The following ASIP variants were observed in gnomAD, a reference collection of about 807,000 sequenced individuals.
The protein encoded by ASIP is agouti-signaling protein.
Under a neutral mutation model 10.3 loss-of-function variants are expected in ASIP, and 11 were observed. The ratio of observed to expected loss-of-function variants is 1.07; its 90% CI spans 0.68 to 1.78. ASIP has a LOEUF of 1.78. Among genes scored for constraint, ASIP ranks in the 40% most tolerant of loss-of-function variants. The pLI is 0.00. For synonymous variants in ASIP, 70 were observed against 70.8 expected (o/e 0.99, Z 0.06); for missense variants, 180 against 169.2 (o/e 1.06, Z -0.35).
chr20:34,221,385 G>A (rs879427658), intron 1 of ASIP, among the ~76,000 whole-genome samples: 130 of 148,678 alleles, frequency 8.7e-4, no homozygotes, highest in Non-Finnish European at 1.5e-3. Context: ...CTCAAAAAAA[G>A]AAAAAAAAAG....
intron 1 of ASIP, chr20:34,213,916 C>G: frequency 6.3e-7 from 1 of 1,584,214 alleles, no homozygotes; most frequent in East Asian, 2.2e-5. Context: ...ATGGTTGAGA[C>G]AGTCTGCTAG....
chr20:34,265,461 C>T (rs915135950), intron 3 of ASIP, among the ~76,000 whole-genome samples: 2 of 151,970 alleles, frequency 1.3e-5, no homozygotes, highest in Non-Finnish European at 2.9e-5. Context: ...GATATCGAGG[C>T]TACAGTGACT....
In ASIP at chr20:34,262,854, G is replaced by C; in HGVS notation, c.183G>C (p.Gln61His). 6.2e-7 allele frequency: 1 copy of C among 1,614,004 alleles called. No homozygotes were observed. Among genetic ancestry groups the C allele is most frequent in the Non-Finnish European group, 8.5e-7 (1 of 1,179,946 alleles). ...SIVALNKKSK[Q>H]IGRKAAEKKR... ...AAGCGCTGAACAAGAAATCCAAACA[G>C]ATCGGCAGAAAAGCAGCAGAAAAGA... Residue 61 changes from glutamine (Q) to histidine (H), a missense_variant, in exon 3 of 4, where the codon CAG (glutamine) becomes CAC (histidine). Transcript: ENST00000374954.
intron 1 of ASIP, among the ~76,000 whole-genome samples, chr20:34,207,678 T>G (rs1039567040): frequency 1.3e-5 from 2 of 152,248 alleles, no homozygotes; most frequent in African/African-American, 4.8e-5. Flanking sequence ...CTTAAGTCTT[T>G]AATCCATTTT....
At position 34,269,027 on chromosome 20, in the gene ASIP, AC is replaced by A. The variant is rs767121271; in HGVS notation, c.265del (p.Leu89TyrfsTer69). 14 of 1,606,796 alleles carry A rather than the reference AC, an allele frequency of 8.7e-6. No homozygotes were observed. Among genetic ancestry groups the A allele is most frequent in the Admixed American group, 1.7e-5 (1 of 59,490 alleles). On this transcript the variant is annotated frameshift_variant, in exon 4 of 4. Coordinates refer to ENST00000374954, the MANE Select transcript of ASIP (RefSeq NM_001672.3). LOFTEE classifies it high-confidence loss of function. Reference protein sequence around the residue: ...ASMKKVVRPRTPLSAPCVATR... With the variant: ...ASMKKVVRPRXPLSAPCVATR... The stretch of plus-strand genomic sequence containing the variant: ...GATGAAGAAAGTGGTGCGGCCCCGG[AC>A]CCCCCTATCTGCGCCCTGCGTGGCC...
chr20:34,215,307 C>T lies in ASIP; in HGVS notation c.-11+20547C>T, dbSNP rs531065715. 1.7e-5 allele frequency: 27 copies of T among 1,551,506 alleles called. No individual in the cohort carries two copies. In the East Asian group the frequency reaches 3.6e-4, roughly 21 times the overall value. ...GACACATCACTTCAGAATTAGTATA[C>T]TGATAATTTTGTGATATTTGGTACC... On this transcript the variant is annotated intron_variant, in intron 1 of 3. Transcript: ENST00000568305.
In ASIP at chr20:34,223,436, C is replaced by T. The variant is rs1251119360; in HGVS notation, c.-11+28676C>T. On this transcript the variant is annotated intron_variant, in intron 1 of 3. Transcript: ENST00000568305. ...GTGAGGAGCCTCTCCGCCCGGCAGC[C>T]ACCCCATCTGGGAAGTGAGGAGCGT... 8.6e-5 allele frequency among the ~76,000 whole-genome samples: 13 copies of T among 151,530 alleles called. No homozygotes were observed. The East Asian group carries it at 2.1e-3, about 25-fold the overall frequency.
chr20:34,203,156 C>CA (rs1000267754), intron 1 of ASIP, among the ~76,000 whole-genome samples: 28 of 151,150 alleles, frequency 1.9e-4, no homozygotes, highest in Middle Eastern at 6.8e-3. Flanking sequence ...TAAATTCTAC[C>CA]AAAAAAAACC....
At position 34,225,783 on chromosome 20, in the gene ASIP, T is replaced by C. The variant is rs538559669; in HGVS notation, c.-11+31023T>C. Among the ~76,000 whole-genome samples the C allele has an allele frequency of 1.8e-4, 28 of 152,304 alleles. 1 individual carries two copies. The South Asian group carries it at 5.8e-3, about 32-fold the overall frequency. On this transcript the variant is annotated intron_variant, in intron 1 of 3. Transcript: ENST00000568305. ...ATTCCTAATTATTTTATTTTTGTTG[T>C]TTTGGGTGTGAATGAGATTTGTTTT...
At chr20:34,215,013 C>T (rs1237736222) in intron 1 of ASIP, 5 of 1,443,872 alleles carry the variant, frequency 3.5e-6, no homozygotes, top group Admixed American at 3.3e-5. Flanking sequence ...ACATCTTCTT[C>T]CTGGTCAATG....
intron 1 of ASIP, among the ~76,000 whole-genome samples, chr20:34,218,000 C>T (rs940643222): frequency 4.6e-5 from 7 of 152,218 alleles, no homozygotes; most frequent in African/African-American, 1.2e-4. Context: ...CTAGCAAATT[C>T]TCACTGCTTT....
chr20:34,213,403 T>A, intron 1 of ASIP: 1 of 716,680 alleles, frequency 1.4e-6, no homozygotes, highest in East Asian at 2.5e-5. Flanking sequence ...AGTGTTGCTA[T>A]AACCAACACC....
chr20:34,200,991 TCCTTCCTTCCTTCCTTCCTTCCTTCCTTC>T (rs2034890647), intron 1 of ASIP, among the ~76,000 whole-genome samples: 1 of 57,106 alleles, frequency 1.8e-5, no homozygotes, highest in African/African-American at 1.9e-4. Flanking sequence ...CTTCCTTCCT[TCCTTCCTTCCTTCCTTCCTTCCTTCCTTC>T]TTTCTTTCTT....
chr20:34,268,918 A>G, intron 3 of ASIP, 73 bp from the exon 4 acceptor site: 1 of 1,525,268 alleles, frequency 6.6e-7, no homozygotes, highest in African/African-American at 1.4e-5. Context: ...TAGCCCGAGG[A>G]GCTCCCAGGC....
At chr20:34,204,889 A>C (rs1263573422) in intron 1 of ASIP, among the ~76,000 whole-genome samples, 1 of 152,260 alleles carries the variant, frequency 6.6e-6, no homozygotes, top group African/African-American at 2.4e-5. Flanking sequence ...TGATACTTTG[A>C]TACAAGCATA....
chr20:34,187,440 G>A, the ASIP span, among the ~76,000 whole-genome samples: 2 of 152,170 alleles, frequency 1.3e-5, no homozygotes, highest in African/African-American at 4.8e-5. Flanking sequence ...CCAGGCTAGG[G>A]CCAAGTGTGT....
chr20:34,210,600 T>A (rs1299977661), intron 1 of ASIP, among the ~76,000 whole-genome samples: 1 of 152,174 alleles, frequency 6.6e-6, no homozygotes, highest in East Asian at 1.9e-4. Context: ...AAGCACAACC[T>A]GCCAGGCTGA....
intron 1 of ASIP, among the ~76,000 whole-genome samples, chr20:34,225,525 G>A (rs2035086728): frequency 6.6e-6 from 1 of 151,648 alleles, no homozygotes; most frequent in East Asian, 1.9e-4. Flanking sequence ...CATTCTCACA[G>A]TTTTTCTCAG....
At chr20:34,252,351 G>T (rs1023307139) in intron 1 of ASIP, among the ~76,000 whole-genome samples, 5 of 152,186 alleles carry the variant, frequency 3.3e-5, no homozygotes, top group Admixed American at 2.6e-4. Flanking sequence ...TGGGGAGAAG[G>T]TCAGCAGGGA....
Sources: allele counts gnomAD v4.1 joint callset (sites outside exome capture counted in the v4.1 genomes callset), GRCh38; gene constraint gnomAD v4.1.1; transcripts MANE v1.5; gene names NCBI Gene and HGNC (gene_info 2026-07-23, HGNC 2026-07-21).